The following KIAA1671 variants were observed in gnomAD, a reference collection of about 807,000 sequenced individuals.
The protein encoded by KIAA1671 is uncharacterized protein KIAA1671.
Under a neutral mutation model 131.2 loss-of-function variants are expected in KIAA1671, and 52 were observed. That is an observed-to-expected ratio of 0.40 (90% CI 0.32 to 0.50). The LOEUF is 0.50. Among genes scored for constraint, KIAA1671 ranks in the 20% least tolerant of loss-of-function variants. The pLI is 0.73. For synonymous variants in KIAA1671, 1,003 were observed against 961.6 expected (o/e 1.04, Z -0.80); for missense variants, 2,360 against 2,364.2 (o/e 1.00, Z 0.04).
At chr22:24,971,611 G>A (rs1922618311) in intron 1 of KIAA1671, among the ~76,000 whole-genome samples, 2 of 152,200 alleles carry the variant, frequency 1.3e-5, no homozygotes, top group Non-Finnish European at 2.9e-5. Flanking sequence ...GTCCCCCAGT[G>A]TGAATGTTGT....
intron 1 of KIAA1671, among the ~76,000 whole-genome samples, chr22:24,962,249 C>T (rs752842483): frequency 2.0e-5 from 3 of 152,090 alleles, no homozygotes; most frequent in Non-Finnish European, 4.4e-5. Flanking sequence ...TTGTGGGCCA[C>T]GTGACTTTTG....
intron 6 of KIAA1671, among the ~76,000 whole-genome samples, chr22:25,087,809 C>G (rs1339507605): frequency 6.6e-6 from 1 of 152,144 alleles, no homozygotes; most frequent in African/African-American, 2.4e-5. Context: ...ACTGGGGCAG[C>G]TTTTTCTCCA....
At chr22:25,146,355 C>G (rs1601355164) in intron 6 of KIAA1671, among the ~76,000 whole-genome samples, 1 of 152,278 alleles carries the variant, frequency 6.6e-6, no homozygotes, top group East Asian at 1.9e-4. Flanking sequence ...CAAACAAATC[C>G]CTTACCTGCA....
At chr22:25,153,725 C>T (rs555849328) in intron 6 of KIAA1671, among the ~76,000 whole-genome samples, 3 of 152,196 alleles carry the variant, frequency 2.0e-5, no homozygotes, top group Non-Finnish European at 4.4e-5. Flanking sequence ...CCTGGGCACT[C>T]GGATGTTGCC....
At chr22:25,149,753 G>A (rs1320813239) in intron 6 of KIAA1671, among the ~76,000 whole-genome samples, 2 of 151,950 alleles carry the variant, frequency 1.3e-5, no homozygotes, top group Admixed American at 1.3e-4. Flanking sequence ...CCCATCCTAC[G>A]TACAGCAGGT....
At position 24,993,476 on chromosome 22, in the gene KIAA1671, G is replaced by A. The variant is rs1007090425; in HGVS notation, c.-207-32157G>A. Among the ~76,000 whole-genome samples the A allele has an allele frequency of 3.9e-4, 59 of 152,182 alleles. 1 individual carries two copies. The highest frequency in any genetic ancestry group is 2.9e-5 in the Non-Finnish European group (2 of 68,032). ...GGCTTTCCCTTGGCCGGCTCCCTCT[G>A]ACTGTAGGTCATTCAGCTGATAGGT... On this transcript the variant is annotated intron_variant, in intron 1 of 12. Coordinates refer to ENST00000358431, the MANE Select transcript of KIAA1671 (RefSeq NM_001145206.2).
At chr22:25,123,061 T>C (rs527630710) in intron 6 of KIAA1671, among the ~76,000 whole-genome samples, 11 of 152,166 alleles carry the variant, frequency 7.2e-5, no homozygotes, top group Non-Finnish European at 1.0e-4. Flanking sequence ...TCAAACATGA[T>C]AGCCTCTAAG....
Position 25,028,238 on chromosome 22 carries a change from C to T in KIAA1671, c.239C>T (p.Pro80Leu). 1 of 1,551,670 alleles carries T rather than the reference C, an allele frequency of 6.4e-7. No individual in the cohort carries two copies. The highest frequency in any genetic ancestry group is 8.7e-7 in the Non-Finnish European group (1 of 1,146,990). Residue 80 changes from proline to leucine, a missense_variant, in exon 3 of 13, where the codon CCT becomes CTT. Pro to Leu is a moderately conservative substitution (Grantham distance 98). Transcript: ENST00000358431. ...TCGAAGGAGCAGGACGTGAAATCTCCTGTCCCGTCTCTGCGGCCCAGTTCG... is the reference window on the plus strand; with the variant it reads ...TCGAAGGAGCAGGACGTGAAATCTCTTGTCCCGTCTCTGCGGCCCAGTTCG... ...PFSKEQDVKS[P>L]VPSLRPSSTG... is the part of the protein sequence containing the mutation.
intron 6 of KIAA1671, among the ~76,000 whole-genome samples, chr22:25,081,190 TCTGGGACTCA>T (rs1320308553): frequency 7.9e-5 from 12 of 152,230 alleles, no homozygotes; most frequent in African/African-American, 2.7e-4. Flanking sequence ...ATTTGCCCTC[TCTGGGACTCA>T]GTTTCTCTGT....
chr22:25,046,610 A>T (rs1271051639), intron 5 of KIAA1671, among the ~76,000 whole-genome samples: 1 of 152,224 alleles, frequency 6.6e-6, no homozygotes, highest in Non-Finnish European at 1.5e-5. Flanking sequence ...TGCCATGCTT[A>T]CATTTCTTCC....
Position 24,991,122 on chromosome 22 carries a change from C to T in KIAA1671, c.-207-34511C>T, listed in dbSNP as rs555799998. Among the ~76,000 whole-genome samples the T allele has an allele frequency of 2.5e-4, 38 of 152,236 alleles. 1 individual carries two copies. The highest frequency in any genetic ancestry group is 7.9e-4 in the African/African-American group (33 of 41,548). ...GCAACCTCCGCCTTCCGGGTTCAAG[C>T]GATTATCCTGCCTCAGCCTCCTGAG... On this transcript the variant is annotated intron_variant, in intron 1 of 12. Transcript: ENST00000358431.
intron 1 of KIAA1671, among the ~76,000 whole-genome samples, chr22:24,965,055 T>C (rs561599845): frequency 6.6e-5 from 10 of 151,260 alleles, no homozygotes; most frequent in Non-Finnish European, 1.2e-4. Context: ...ATTGTAAGAT[T>C]AGATACAGCA....
intron 11 of KIAA1671, among the ~76,000 whole-genome samples, chr22:25,188,447 GGTGTGT>G (rs59590267): frequency 0.041 from 5,649 of 137,810 alleles, 252 homozygotes; most frequent in African/African-American, 0.12. Flanking sequence ...GAGCCAATCG[GGTGTGT>G]GTGTGTGTGT....
intron 6 of KIAA1671, among the ~76,000 whole-genome samples, chr22:25,130,074 C>G (rs962784281): frequency 6.6e-6 from 1 of 151,874 alleles, no homozygotes; most frequent in Non-Finnish European, 1.5e-5. Context: ...GATGTCAGCT[C>G]TATAAAAATT....
intron 6 of KIAA1671, among the ~76,000 whole-genome samples, chr22:25,067,187 C>A (rs550563557): frequency 2.0e-5 from 3 of 152,220 alleles, no homozygotes; most frequent in Non-Finnish European, 4.4e-5. Flanking sequence ...ATTGTTGGCA[C>A]CTGCCCAGCG....
intron 6 of KIAA1671, among the ~76,000 whole-genome samples, chr22:25,158,804 C>T (rs938722154): frequency 4.6e-5 from 7 of 152,292 alleles, no homozygotes; most frequent in South Asian, 2.1e-4. Flanking sequence ...CTAAATGTCA[C>T]GGCCCAGCAT....
At position 25,049,269 on chromosome 22, in the gene KIAA1671, GAGA is replaced by G. The variant is rs1927405053; in HGVS notation, c.4438_4440del (p.Lys1480del). On this transcript the variant is annotated inframe_deletion, in exon 6 of 13. Transcript: ENST00000358431. ...CCTGGAGAAGGAGGATGCCCCCCAG[GAGA>G]AGGAGCGACCGCTCCAGCAGGTGTC... 2.6e-6 allele frequency: 4 copies of G among 1,551,908 alleles called. No individual in the cohort carries two copies. Among genetic ancestry groups the G allele is most frequent in the Non-Finnish European group, 3.5e-6 (4 of 1,147,030 alleles).
intron 1 of KIAA1671, among the ~76,000 whole-genome samples, chr22:25,017,886 T>G (rs1232364816): frequency 6.7e-6 from 1 of 149,460 alleles, no homozygotes; most frequent in Non-Finnish European, 1.5e-5. Flanking sequence ...GCACCTCCCA[T>G]TTTTAGAAAG....
intron 1 of KIAA1671, among the ~76,000 whole-genome samples, chr22:25,017,357 T>C (rs1321037823): frequency 6.6e-6 from 1 of 152,116 alleles, no homozygotes; most frequent in Non-Finnish European, 1.5e-5. Flanking sequence ...CACTCCAGCC[T>C]GGGCGACAGA....
Sources: allele counts gnomAD v4.1 joint callset (sites outside exome capture counted in the v4.1 genomes callset), GRCh38; gene constraint gnomAD v4.1.1; transcripts MANE v1.5; gene names NCBI Gene and HGNC (gene_info 2026-07-23, HGNC 2026-07-21).